The following TMED5 variants were observed in gnomAD, a reference collection of about 807,000 sequenced individuals.
TMED5 encodes the protein transmembrane p24 trafficking protein 5, also known as transmembrane emp24 domain-containing protein 5.
Under a neutral mutation model 23.0 loss-of-function variants are expected in TMED5, and 27 were observed. The ratio of observed to expected loss-of-function variants is 1.17; its 90% CI spans 0.86 to 1.62. TMED5 has a LOEUF of 1.62. TMED5 is among the 40% of genes most tolerant of loss of function. The pLI is 0.00. For synonymous variants in TMED5, 97 were observed against 100.8 expected (o/e 0.96, Z 0.23); for missense variants, 248 against 273.7 (o/e 0.91, Z 0.66).
At chr1:93,166,725 T>G (rs1648522490) in intron 1 of TMED5, among the ~76,000 whole-genome samples, 1 of 152,206 alleles carries the variant, frequency 6.6e-6, no homozygotes, top group Non-Finnish European at 1.5e-5. Context: ...CTCTTCCCGT[T>G]GTTAACTGTT....
At chr1:93,155,312 G>C (rs1166850027) in intron 3 of TMED5, among the ~76,000 whole-genome samples, 1 of 152,088 alleles carries the variant, frequency 6.6e-6, no homozygotes, top group African/African-American at 2.4e-5. Context: ...TTCAATTAAA[G>C]GGCAGGTACT....
In TMED5 at chr1:93,150,009, CTAATA is replaced by C. The variant is rs1474863174; in HGVS notation, c.*4656_*4660del. ...TCAGAAATATGTATATACCAACATA[CTAATA>C]TGTTTCAGCTATAAATACTTCTAAC... On this transcript the variant is annotated 3_prime_UTR_variant, in exon 4 of 4. Transcript: ENST00000370282. 2.0e-5 allele frequency: 3 copies of C among 152,102 alleles called. No individual in the cohort carries two copies. Among genetic ancestry groups the C allele is most frequent in the African/African-American group, 7.2e-5 (3 of 41,402 alleles). The allele number at this position is 152,102 out of a possible 1,614,324, so 9.4% of individuals were successfully genotyped here. A position where few individuals can be genotyped will look rare whatever the true frequency, so the allele number is the denominator to read the frequency against.
intron 1 of TMED5, chr1:93,162,941 C>G (rs1217977045): frequency 6.6e-6 from 1 of 152,104 alleles, no homozygotes; most frequent in Non-Finnish European, 1.5e-5. Context: ...TGGTAGCATG[C>G]ACTGGTATTC....
intron 3 of TMED5, 128 bp downstream of exon 3, chr1:93,156,172 G>A (rs1273698615): frequency 3.5e-6 from 4 of 1,147,388 alleles, no homozygotes; most frequent in African/African-American, 3.2e-5. Flanking sequence ...AGTATTTATG[G>A]CAAAAATAAA....
Position 93,154,897 on chromosome 1 carries a change from A to G in TMED5, c.472-9T>C. ...ATGCTGTTGATGGATTCCTGGAGAT[A>G]AATAAAATAATTTTATTATTAAAGA... On this transcript the variant is annotated splice_polypyrimidine_tract_variant and intron_variant, in intron 3 of 3. Coordinates refer to ENST00000370282, the MANE Select transcript of TMED5 (RefSeq NM_016040.5). 6.5e-7 allele frequency: 1 copy of G among 1,537,456 alleles called. No homozygotes were observed. The highest frequency in any genetic ancestry group is 2.3e-5 in the East Asian group (1 of 44,124).
chr1:93,179,802 C>T, intron 1 of TMED5: 1 of 484,288 alleles, frequency 2.1e-6, no homozygotes, highest in Non-Finnish European at 3.6e-6. Flanking sequence ...CCAGTTCTGG[C>T]CTCCTTCCCA....
At chr1:93,170,199 C>T (rs1251630030) in intron 1 of TMED5, among the ~76,000 whole-genome samples, 3 of 152,262 alleles carry the variant, frequency 2.0e-5, no homozygotes, top group Non-Finnish European at 4.4e-5. Flanking sequence ...CGCCGCTGCA[C>T]TGTGGGAGCC....
At chr1:93,167,350 G>C (rs1301290076) in intron 1 of TMED5, among the ~76,000 whole-genome samples, 2 of 152,066 alleles carry the variant, frequency 1.3e-5, no homozygotes, top group Non-Finnish European at 2.9e-5. Flanking sequence ...AGATTGCTTT[G>C]GGTAGTATGG....
chr1:93,154,942 T>A, intron 3 of TMED5, 54 bp from the exon 4 acceptor site: 1 of 1,332,996 alleles, frequency 7.5e-7, no homozygotes, highest in Non-Finnish European at 1.0e-6. Context: ...AATTTTAACT[T>A]AATTAAAAAA....
intron 2 of TMED5, among the ~76,000 whole-genome samples, chr1:93,156,950 A>G (rs538800068): frequency 2.0e-5 from 3 of 152,192 alleles, no homozygotes; most frequent in South Asian, 2.1e-4. Context: ...CTGAAAATAT[A>G]TATGTTCAAG....
At chr1:93,168,099 CAGGGACAAATTCCAT>C (rs1331619075) in intron 1 of TMED5, among the ~76,000 whole-genome samples, 2 of 151,996 alleles carry the variant, frequency 1.3e-5, no homozygotes, top group Non-Finnish European at 2.9e-5. Flanking sequence ...CCTTGCATCC[CAGGGACAAATTCCAT>C]TTCAACCACA....
At chr1:93,164,610 C>T (rs937013554) in intron 1 of TMED5, among the ~76,000 whole-genome samples, 1 of 152,094 alleles carries the variant, frequency 6.6e-6, no homozygotes, top group East Asian at 1.9e-4. Context: ...AGTTTCACTA[C>T]CCACGTGTTC....
At position 93,180,404 on chromosome 1, in the gene TMED5, G is replaced by A. The variant is rs1450506809; in HGVS notation, c.-162C>T. 4 of 1,229,980 alleles carry A rather than the reference G, an allele frequency of 3.3e-6. No individual in the cohort carries two copies. The highest frequency in any genetic ancestry group is 1.4e-5 in the South Asian group (1 of 70,794). 76.2% of individuals were successfully genotyped at this position (1,229,980 alleles called of 1,614,324 possible). On this transcript the variant is annotated 5_prime_UTR_variant, in exon 1 of 4. Transcript: ENST00000370282. ...CGAACACTCCCTCCGAAAGAGAAGC[G>A]CAGTTCTCCAAAGGGTAGGGACTCT...
rs909872739 is a variant in TMED5 at position 93,153,119 on chromosome 1, G to C, written c.*1551C>G. Reference sequence around the variant, plus strand: ...GTTCTATACCCCAAATTTTAAGTTTGTTTCTAACTCACAATGTAGTCATAA... The same window carrying C: ...GTTCTATACCCCAAATTTTAAGTTTCTTTCTAACTCACAATGTAGTCATAA... On this transcript the variant is annotated 3_prime_UTR_variant, in exon 4 of 4. Transcript: ENST00000370282. The C allele has an allele frequency of 4.6e-5, 7 of 152,420 alleles. No individual in the cohort carries two copies. Among genetic ancestry groups the C allele is most frequent in the African/African-American group, 1.7e-4 (7 of 41,390 alleles). The allele number at this position is 152,420 out of a possible 1,614,324, so 9.4% of individuals were successfully genotyped here. A position where few individuals can be genotyped will look rare whatever the true frequency, so the allele number is the denominator to read the frequency against.
At position 93,175,652 on chromosome 1, in the gene TMED5, G is replaced by A. The variant is rs1187565583; in HGVS notation, c.189+4402C>T. ...TACAAGTAAATTTTAAAAATTAGAT[G>A]AAATGGCCAGTTTACCAGAAAATAT... On this transcript the variant is annotated intron_variant, in intron 1 of 3. Coordinates refer to ENST00000370282, the MANE Select transcript of TMED5 (RefSeq NM_016040.5). 2.0e-5 allele frequency among the ~76,000 whole-genome samples: 3 copies of A among 151,804 alleles called. No individual in the cohort carries two copies. The East Asian group carries it at 5.8e-4, about 29-fold the overall frequency.
intron 1 of TMED5, among the ~76,000 whole-genome samples, chr1:93,166,376 C>T (rs1227557316): frequency 6.6e-6 from 1 of 152,192 alleles, no homozygotes; most frequent in East Asian, 1.9e-4. Context: ...ATCTACATTC[C>T]CACCAACAGT....
intron 1 of TMED5, chr1:93,163,142 T>C (rs1648345945): frequency 9.7e-6 from 1 of 102,822 alleles, no homozygotes; most frequent in South Asian, 4.0e-4. Flanking sequence ...CTCAAAACAT[T>C]CTCAAAGAAT....
At position 93,154,618 on chromosome 1, in the gene TMED5, T is replaced by TA; in HGVS notation, c.*51dup. On this transcript the variant is annotated 3_prime_UTR_variant, in exon 4 of 4. Coordinates refer to ENST00000370282, the MANE Select transcript of TMED5 (RefSeq NM_016040.5). ...ATTAATGGTCTTGACTGTAACAGTTTATTGCATTTTTATGCCTCATTTTTC... is the reference window on the plus strand; with the variant it reads ...ATTAATGGTCTTGACTGTAACAGTTTAATTGCATTTTTATGCCTCATTTTTC... 1 of 1,299,754 alleles carries TA rather than the reference T, an allele frequency of 7.7e-7. No individual in the cohort carries two copies. Among genetic ancestry groups the TA allele is most frequent in the Non-Finnish European group, 1.1e-6 (1 of 910,226 alleles). The allele number at this position is 1,299,754 out of a possible 1,614,324, so 80.5% of individuals were successfully genotyped here.
chr1:93,163,849 G>A (rs1648386356), intron 1 of TMED5, among the ~76,000 whole-genome samples: 1 of 151,604 alleles, frequency 6.6e-6, no homozygotes, highest in Admixed American at 6.6e-5. Flanking sequence ...TGGACATGGT[G>A]ATGCACGCCT....
Sources: allele counts gnomAD v4.1 joint callset (sites outside exome capture counted in the v4.1 genomes callset), GRCh38; gene constraint gnomAD v4.1.1; transcripts MANE v1.5; gene names NCBI Gene and HGNC (gene_info 2026-07-23, HGNC 2026-07-21).